The following SYTL2 variants were observed in gnomAD, a reference collection of about 807,000 sequenced individuals.
SYTL2 encodes the protein synaptotagmin like 2.
A neutral mutation model predicts 198.7 loss-of-function variants in SYTL2; 165 were observed. That is an observed-to-expected ratio of 0.83 (90% CI 0.73 to 0.94). The LOEUF is 0.94. Among genes scored for constraint, SYTL2 ranks in the 40% least tolerant of loss-of-function variants. The pLI is 0.00. For missense variants in SYTL2, 2,835 were observed against 2,582.8 expected (o/e 1.10, Z -2.12); for synonymous variants, 966 against 917.7 (o/e 1.05, Z -0.95).
chr11:85,720,158 T>G (rs2088074183), intron 9 of SYTL2, among the ~76,000 whole-genome samples: 1 of 152,218 alleles, frequency 6.6e-6, no homozygotes, highest in Admixed American at 6.5e-5. Context: ...GTCTTTCATG[T>G]TAAGTAGTTT....
At chr11:85,816,052 C>G (rs935868342), upstream of SYTL2, among the ~76,000 whole-genome samples, 3 of 152,022 alleles carry the variant, frequency 2.0e-5, no homozygotes, top group Admixed American at 1.3e-4. Context: ...GTAATCCCAG[C>G]TACTCGAGAG....
intron 1 of SYTL2, among the ~76,000 whole-genome samples, chr11:85,759,081 C>G (rs555117091): frequency 1.3e-5 from 2 of 151,806 alleles, no homozygotes; most frequent in Non-Finnish European, 2.9e-5. Context: ...CCCGTCTCTA[C>G]TAAAAAATAC....
chr11:85,749,182 T>C (rs2091359543), intron 2 of SYTL2, among the ~76,000 whole-genome samples: 7 of 152,176 alleles, frequency 4.6e-5, no homozygotes, highest in African/African-American at 1.7e-4. Context: ...CTCCTAAAAC[T>C]TCCCTAAAAA....
chr11:85,774,653 TAAACTC>T (rs1442106439), intron 1 of SYTL2, among the ~76,000 whole-genome samples: 1 of 152,200 alleles, frequency 6.6e-6, no homozygotes, highest in Admixed American at 6.5e-5. Flanking sequence ...CTTATATAAA[TAAACTC>T]AAAGTGTGGA....
chr11:85,741,318 C>G (rs1213201376), intron 4 of SYTL2, among the ~76,000 whole-genome samples: 1 of 152,118 alleles, frequency 6.6e-6, no homozygotes, highest in Admixed American at 6.5e-5. Context: ...TAGAAAATAT[C>G]TTATCTGAAG....
rs1379958904 is a variant in SYTL2 at position 85,709,436 on chromosome 11, A to G, written c.5810T>C (p.Ile1937Thr). The change falls in exon 14 of 20, where the codon ATT becomes ACT. Residue 1937 changes from isoleucine to threonine, a missense_variant. By Grantham distance (89) the Ile-to-Thr change is moderately conservative. Around this residue, in one of 3 missense-constraint regions of SYTL2, gnomAD observed 2,645 missense variants for 2,381.7 expected, o/e 1.11. Transcript: ENST00000359152. The stretch of plus-strand genomic sequence containing the variant: ...CTCCACATATTCAATTGCAAACTGA[A>G]TATTTCCTTTAACTTCCAGATTGCC... ...DFGNLEVKGN[I>T]QFAIEYVESL... The G allele has an allele frequency of 3.7e-6, 6 of 1,614,022 alleles. No homozygotes were observed. The highest frequency in any genetic ancestry group is 2.2e-5 in the East Asian group (1 of 44,882).
At chr11:85,791,103 G>T (rs1235158189) in intron 1 of SYTL2, among the ~76,000 whole-genome samples, 1 of 128,274 alleles carries the variant, frequency 7.8e-6, no homozygotes, top group African/African-American at 2.8e-5. Context: ...AGAGACGGAG[G>T]TTGCAATGAG....
chr11:85,783,623 C>T (rs2092595721), intron 1 of SYTL2, among the ~76,000 whole-genome samples: 1 of 152,126 alleles, frequency 6.6e-6, no homozygotes, highest in Admixed American at 6.5e-5. Flanking sequence ...AAGTACCTTA[C>T]ATATATTAAC....
chr11:85,751,388 T>A (rs1384424516), intron 2 of SYTL2, among the ~76,000 whole-genome samples: 1 of 152,192 alleles, frequency 6.6e-6, no homozygotes, highest in African/African-American at 2.4e-5. Flanking sequence ...CATCTCTCAT[T>A]TTTTTCTGAA....
intron 1 of SYTL2, among the ~76,000 whole-genome samples, chr11:85,777,812 CTTTTTTT>C (rs57873368): frequency 4.7e-5 from 3 of 63,332 alleles, no homozygotes; most frequent in Admixed American, 2.4e-4. Context: ...GGTCTTACTT[CTTTTTTT>C]TTTTTTTTTT....
the SYTL2 span, among the ~76,000 whole-genome samples, chr11:85,830,863 C>T: frequency 1.3e-5 from 2 of 152,014 alleles, no homozygotes; most frequent in Admixed American, 1.3e-4. Flanking sequence ...CTGATTTATG[C>T]TTCCTAGGAT....
intron 7 of SYTL2, among the ~76,000 whole-genome samples, chr11:85,731,002 C>A (rs879884166): frequency 1.3e-5 from 2 of 152,024 alleles, no homozygotes; most frequent in Admixed American, 6.6e-5. Flanking sequence ...ACAAAGAGAA[C>A]AAAATACCTA....
chr11:85,781,647 C>T (rs1446297135), intron 1 of SYTL2, among the ~76,000 whole-genome samples: 1 of 152,166 alleles, frequency 6.6e-6, no homozygotes, highest in Non-Finnish European at 1.5e-5. Flanking sequence ...AATGAGGGTA[C>T]AGGCATTGGG....
chr11:85,817,124 T>C, the SYTL2 span, among the ~76,000 whole-genome samples: 1 of 152,178 alleles, frequency 6.6e-6, no homozygotes, highest in Non-Finnish European at 1.5e-5. Context: ...TAATCCAGAA[T>C]GGGGTTGAGC....
chr11:85,838,306 T>C, the SYTL2 span, among the ~76,000 whole-genome samples: 6 of 152,286 alleles, frequency 3.9e-5, no homozygotes, highest in Non-Finnish European at 7.3e-5. Flanking sequence ...TCTTGGGAGA[T>C]AGTATGTATC....
At chr11:85,803,169 T>C (rs2092914257) in intron 1 of SYTL2, among the ~76,000 whole-genome samples, 1 of 152,242 alleles carries the variant, frequency 6.6e-6, no homozygotes, top group African/African-American at 2.4e-5. Flanking sequence ...AGTATGATAC[T>C]ATTTCAAAAA....
intron 2 of SYTL2, among the ~76,000 whole-genome samples, chr11:85,755,295 C>T (rs1317415733): frequency 2.0e-5 from 3 of 152,176 alleles, no homozygotes; most frequent in African/African-American, 7.2e-5. Context: ...TGCACTGTCA[C>T]TGCTCCCTAG....
rs1174972897 is a variant in SYTL2 at position 85,724,953 on chromosome 11, C to A, written c.4405G>T (p.Ala1469Ser). Residue 1469 changes from alanine to serine, a missense_variant, in exon 8 of 20, where the codon GCT becomes TCT. Ala to Ser is a moderately conservative substitution (Grantham distance 99, BLOSUM62 1). Coordinates refer to ENST00000359152, the MANE Select transcript of SYTL2 (RefSeq NM_206927.4). ...QTLSSFASIV[A>S]QYGKGLPQEV... ...TGAGGGAGGCCTTTGCCATATTGAGCAACAATGGAAGCAAATGAGCTAAGC... is the reference window on the plus strand; with the variant it reads ...TGAGGGAGGCCTTTGCCATATTGAGAAACAATGGAAGCAAATGAGCTAAGC... 2.5e-6 allele frequency: 4 copies of A among 1,613,690 alleles called. No individual in the cohort carries two copies. The Admixed American group carries it at 6.7e-5, about 27-fold the overall frequency.
chr11:85,741,762 G>A (rs1314777808), intron 4 of SYTL2, among the ~76,000 whole-genome samples: 1 of 152,128 alleles, frequency 6.6e-6, no homozygotes, highest in Non-Finnish European at 1.5e-5. Context: ...AGACTTTCAG[G>A]AAAAAGAGCA....
Sources: gnomAD v4.1 joint callset for allele counts (sites outside exome capture counted in the v4.1 genomes callset) on GRCh38, gnomAD v4.1.1 for gene constraint, gnomAD v4.1.1 regional missense constraint, MANE v1.5 for transcripts, NCBI Gene and HGNC (gene_info 2026-07-23, HGNC 2026-07-21) for gene names.